The following TDRP variants were observed in gnomAD, a reference collection of about 807,000 sequenced individuals.
TDRP encodes testis development related protein, also known as testis development-related protein.
In TDRP, 12 loss-of-function variants were observed where a neutral mutation model predicts 10.5. That is an observed-to-expected ratio of 1.15 (90% CI 0.73 to 1.86). The LOEUF is 1.86. Among genes scored for constraint, TDRP ranks in the 40% most tolerant of loss-of-function variants. The pLI is 0.00. For missense variants in TDRP, 353 were observed against 229.2 expected (o/e 1.54, Z -3.49); for synonymous variants, 139 against 95.4 (o/e 1.46, Z -2.67).
At chr8:503,475 G>A (rs1417221241) in intron 1 of TDRP, among the ~76,000 whole-genome samples, 2 of 150,202 alleles carry the variant, frequency 1.3e-5, no homozygotes, top group African/African-American at 2.5e-5. Flanking sequence ...GGAATCTAGA[G>A]CCATGCATCG....
In TDRP at chr8:492,528, C is replaced by A; in HGVS notation, c.429G>T (p.Ser143=). The A allele has an allele frequency of 4.3e-6, 7 of 1,610,590 alleles. No individual in the cohort carries two copies. The highest frequency in any genetic ancestry group is 5.9e-6 in the Non-Finnish European group (7 of 1,178,164). The change falls in exon 3 of 3, where the codon TCG becomes TCT. Residue 143 remains serine, a synonymous_variant. Coordinates refer to ENST00000324079, the MANE Select transcript of TDRP (RefSeq NM_001384899.1). ...AGCTGGCCAGGCTGGTGTACTTGGT[C>A]GAGCCCTTGGCGTCATCCTCCCAGC... ...WSGWEDDAKG[S]TKYTSLASSA...
At position 508,400 on chromosome 8, in the gene TDRP, G is replaced by A. The variant is rs1272982671; in HGVS notation, c.109-13803C>T. Among the ~76,000 whole-genome samples, 3 of 152,188 alleles carry A rather than the reference G, an allele frequency of 2.0e-5. No homozygotes were observed. The East Asian group carries it at 5.8e-4, about 29-fold the overall frequency. On this transcript the variant is annotated intron_variant, in intron 1 of 2. Transcript: ENST00000324079. ...AAAGAAAAGCAGTTTAATTGACTCA[G>A]TTCCACATGGCTGGGAAGGCCTCAG...
At chr8:519,446 C>A (rs951436393) in intron 1 of TDRP, among the ~76,000 whole-genome samples, 2 of 152,102 alleles carry the variant, frequency 1.3e-5, no homozygotes, top group African/African-American at 4.8e-5. Flanking sequence ...CCTATGACAT[C>A]AACTCTACCA....
intron 1 of TDRP, among the ~76,000 whole-genome samples, chr8:518,954 A>T (rs1470897455): frequency 6.6e-6 from 1 of 152,146 alleles, no homozygotes; most frequent in Admixed American, 6.5e-5. Context: ...CACTAATGAG[A>T]TGACTGACAG....
At chr8:535,624 C>T (rs373573027) in intron 1 of TDRP, among the ~76,000 whole-genome samples, 142 of 152,200 alleles carry the variant, frequency 9.3e-4, no homozygotes, top group African/African-American at 2.0e-3. Context: ...CAAAGGCAGA[C>T]GTAAAGCCAA....
chr8:491,329 A>G lies in TDRP; in HGVS notation c.*1070T>C, dbSNP rs1302422295. On this transcript the variant is annotated 3_prime_UTR_variant, in exon 3 of 3. Transcript: ENST00000324079. ...CTTTCAAACCACTTTTATCTAAGAG[A>G]TATCTGCAGGACTTGCTGATAAGAG... 4 of 336,886 alleles carry G rather than the reference A, an allele frequency of 1.2e-5. No individual in the cohort carries two copies. The highest frequency in any genetic ancestry group is 2.1e-5 in the African/African-American group (1 of 47,382). 20.9% of individuals were successfully genotyped at this position (336,886 alleles called of 1,614,324 possible).
intron 1 of TDRP, among the ~76,000 whole-genome samples, chr8:536,846 TC>T (rs1802360399): frequency 6.6e-6 from 1 of 152,028 alleles, no homozygotes; most frequent in African/African-American, 2.4e-5. Flanking sequence ...GCGCCCAGGA[TC>T]CTCCTTCCCT....
chr8:502,311 G>C (rs981707946), intron 1 of TDRP, among the ~76,000 whole-genome samples: 4 of 152,184 alleles, frequency 2.6e-5, no homozygotes, highest in Non-Finnish European at 4.4e-5. Flanking sequence ...TGACATCCAA[G>C]TCAAACTGTG....
intron 1 of TDRP, among the ~76,000 whole-genome samples, chr8:517,293 C>T (rs187879980): frequency 1.2e-3 from 189 of 152,254 alleles, no homozygotes; most frequent in Admixed American, 3.7e-3. Context: ...TTTGGAATGG[C>T]CCTGCCCAGC....
At chr8:539,347 C>T (rs547334269) in intron 1 of TDRP, among the ~76,000 whole-genome samples, 4 of 152,272 alleles carry the variant, frequency 2.6e-5, no homozygotes, top group Non-Finnish European at 1.5e-5. Context: ...GAAGCAGCCC[C>T]TCACCAAGAA....
intron 1 of TDRP, among the ~76,000 whole-genome samples, chr8:502,668 C>T (rs747141316): frequency 4.6e-5 from 7 of 151,426 alleles, no homozygotes; most frequent in South Asian, 2.1e-4. Flanking sequence ...CACATCAACA[C>T]GGAATCCAGA....
chr8:525,110 C>G (rs940600588), intron 1 of TDRP, among the ~76,000 whole-genome samples: 3 of 152,136 alleles, frequency 2.0e-5, no homozygotes, highest in Admixed American at 2.0e-4. Context: ...TCCGATAGGT[C>G]TGGCAGCAGG....
intron 1 of TDRP, among the ~76,000 whole-genome samples, chr8:523,863 C>G (rs148961866): frequency 1.6e-3 from 237 of 152,114 alleles, no homozygotes; most frequent in Non-Finnish European, 2.8e-3. Context: ...ATCCAGGGAC[C>G]AGGGGGAACT....
At chr8:497,461 C>T (rs1584851874) in intron 1 of TDRP, among the ~76,000 whole-genome samples, 1 of 152,170 alleles carries the variant, frequency 6.6e-6, no homozygotes, top group African/African-American at 2.4e-5. Flanking sequence ...GCAAAGGGTT[C>T]AACATGTGGC....
chr8:541,977 G>C (rs1487684819), intron 1 of TDRP, among the ~76,000 whole-genome samples: 1 of 152,130 alleles, frequency 6.6e-6, no homozygotes, highest in Non-Finnish European at 1.5e-5. Flanking sequence ...TGAATAAACT[G>C]ATGTTTATTC....
intron 1 of TDRP, among the ~76,000 whole-genome samples, chr8:528,519 T>A (rs1209186061): frequency 6.7e-6 from 1 of 149,846 alleles, no homozygotes. Flanking sequence ...TAAGTATCCA[T>A]CAACATCAAC....
At chr8:530,572 C>A (rs1347347860) in intron 1 of TDRP, among the ~76,000 whole-genome samples, 1 of 152,134 alleles carries the variant, frequency 6.6e-6, no homozygotes, top group Non-Finnish European at 1.5e-5. Context: ...TGAATCTTCT[C>A]TGGGCTTGTA....
At chr8:504,389 ATTCAC>A (rs1260165378) in intron 1 of TDRP, among the ~76,000 whole-genome samples, 2 of 152,148 alleles carry the variant, frequency 1.3e-5, no homozygotes, top group African/African-American at 4.8e-5. Context: ...GCAATAAAGC[ATTCAC>A]TTCAAGAGTC....
intron 1 of TDRP, among the ~76,000 whole-genome samples, chr8:527,523 G>C (rs972384637): frequency 2.0e-5 from 3 of 152,098 alleles, no homozygotes; most frequent in Admixed American, 1.3e-4. Flanking sequence ...ATACTACAGA[G>C]CTAGAGTAAC....
Sources: allele counts gnomAD v4.1 joint callset (sites outside exome capture counted in the v4.1 genomes callset), GRCh38; gene constraint gnomAD v4.1.1; transcripts MANE v1.5; gene names NCBI Gene and HGNC (gene_info 2026-07-23, HGNC 2026-07-21).